Variants in ETV1 observed in about 807,000 individuals in gnomAD.
The protein encoded by ETV1 is ETS variant transcription factor 1, also known as ETS translocation variant 1.
ETV1 carries 27 observed loss-of-function variants against 62.3 expected under a neutral mutation model. That is an observed-to-expected ratio of 0.43 (90% CI 0.32 to 0.60). The LOEUF (loss-of-function observed/expected upper bound fraction) is 0.60. ETV1 is among the 20% of genes least tolerant of loss of function. ETV1 has a pLI of 0.06. For synonymous variants in ETV1, 222 were observed against 199.6 expected, an observed-to-expected ratio of 1.11 and a Z score of -0.94; for missense variants, 605 against 605.8, an observed-to-expected ratio of 1.00 and a Z score of 0.01.
At chr7:13,918,177 A>T (rs1316753636) in intron 9 of ETV1, among the ~76,000 whole-genome samples, 3 of 151,278 alleles carry the variant, frequency 2.0e-5, no homozygotes, top group Non-Finnish European at 2.9e-5. Context: ...CAATATTCAG[A>T]TAACTTTTTC....
intron 8 of ETV1, 105 bp downstream of exon 8, chr7:13,935,603 T>G (rs547193774): frequency 1.1e-6 from 1 of 926,520 alleles, no homozygotes; most frequent in South Asian, 1.7e-5. Context: ...TGTGCAAAAT[T>G]AATAGGCTCA....
intron 6 of ETV1, among the ~76,000 whole-genome samples, chr7:13,970,409 C>G (rs1265221657): frequency 2.0e-5 from 3 of 151,934 alleles, no homozygotes; most frequent in African/African-American, 7.3e-5. Context: ...GGAATACTAA[C>G]TTGGGCGAGA....
chr7:13,973,141 A>G (rs578216281), intron 6 of ETV1, among the ~76,000 whole-genome samples: 1 of 152,320 alleles, frequency 6.6e-6, no homozygotes, highest in Non-Finnish European at 1.5e-5. Flanking sequence ...GCATTTAAAC[A>G]TGTTACAGTC....
intron 6 of ETV1, among the ~76,000 whole-genome samples, chr7:13,949,502 T>C (rs911925467): frequency 6.6e-6 from 1 of 152,178 alleles, no homozygotes; most frequent in African/African-American, 2.4e-5. Context: ...TTCAGCTGCA[T>C]CTGAGGCTCT....
At chr7:13,927,744 C>T (rs1184062099) in intron 9 of ETV1, among the ~76,000 whole-genome samples, 1 of 152,112 alleles carries the variant, frequency 6.6e-6, no homozygotes, top group Non-Finnish European at 1.5e-5. Flanking sequence ...AAGTAAAATA[C>T]ATTTTGACAC....
At chr7:13,930,583 A>G (rs1047642486) in intron 9 of ETV1, among the ~76,000 whole-genome samples, 1 of 151,906 alleles carries the variant, frequency 6.6e-6, no homozygotes, top group Non-Finnish European at 1.5e-5. Context: ...GGCCTCCCAA[A>G]GTGCTGGGAT....
intron 9 of ETV1, among the ~76,000 whole-genome samples, chr7:13,915,270 T>TG (rs1297962045): frequency 5.9e-5 from 9 of 152,206 alleles, no homozygotes; most frequent in Admixed American, 3.3e-4. Context: ...TAAAACTTGG[T>TG]GCATAAAATA....
At chr7:13,907,281 C>T (rs1205821519) in intron 11 of ETV1, among the ~76,000 whole-genome samples, 1 of 152,092 alleles carries the variant, frequency 6.6e-6, no homozygotes, top group Non-Finnish European at 1.5e-5. Flanking sequence ...CAACTGGTAA[C>T]AAAAATTCTC....
intron 6 of ETV1, among the ~76,000 whole-genome samples, chr7:13,961,028 T>C (rs543183071): frequency 3.3e-5 from 5 of 151,550 alleles, no homozygotes; most frequent in Admixed American, 6.6e-5. Flanking sequence ...CACACCGGAG[T>C]CCCAGCTACT....
At chr7:13,971,035 G>A (rs563758822) in intron 6 of ETV1, among the ~76,000 whole-genome samples, 1 of 152,050 alleles carries the variant, frequency 6.6e-6, no homozygotes, top group South Asian at 2.1e-4. Flanking sequence ...GCGATGGCAC[G>A]ATCTTGGCTC....
Position 13,957,034 on chromosome 7 carries a change from T to G in ETV1, c.236-17788A>C, listed in dbSNP as rs574554790. 1.1e-3 allele frequency among the ~76,000 whole-genome samples: 163 copies of G among 152,292 alleles called. 1 individual carries two copies. Among genetic ancestry groups the G allele is most frequent in the South Asian group, 2.1e-3 (10 of 4,832 alleles). ...ACTGCCTTTTTTTAAAACGTCAAACTATATTTACTGCTACGTAAACCTAAG... is the reference window on the plus strand; with the variant it reads ...ACTGCCTTTTTTTAAAACGTCAAACGATATTTACTGCTACGTAAACCTAAG... On this transcript the variant is annotated intron_variant, in intron 6 of 13. Transcript: ENST00000430479.
At chr7:13,988,907 G>A in intron 3 of ETV1, 101 bp downstream of exon 3, 2 of 1,516,926 alleles carry the variant, frequency 1.3e-6, no homozygotes, top group South Asian at 1.2e-5. Context: ...ATAAGTATCT[G>A]CAATCCCAAC....
chr7:13,916,587 G>A (rs983540592), intron 9 of ETV1, among the ~76,000 whole-genome samples: 4 of 151,962 alleles, frequency 2.6e-5, no homozygotes, highest in African/African-American at 4.8e-5. Flanking sequence ...TCAGTAAGCC[G>A]AGATCGCGCC....
intron 6 of ETV1, among the ~76,000 whole-genome samples, chr7:13,964,652 A>T (rs1790572082): frequency 6.6e-6 from 1 of 152,182 alleles, no homozygotes; most frequent in African/African-American, 2.4e-5. Context: ...TGTGCTAGTG[A>T]TGTAGCAGAA....
rs145391669 is a variant in ETV1, at chr7:13,893,166, C to A, written c.*2700G>T. On this transcript the variant is annotated 3_prime_UTR_variant, in exon 14 of 14. Coordinates refer to ENST00000430479, the MANE Select transcript of ETV1 (RefSeq NM_004956.5). ...TTAACATGTCATCATCAAGAGACAG[C>A]AAACAGCAGTGAAGATAAAAGCTGA... The A allele has an allele frequency of 0.015, 3,384 of 232,384 alleles. 44 individuals carry two copies. The highest frequency in any genetic ancestry group is 0.054 in the Middle Eastern group (42 of 780). The allele number at this position is 232,384 out of a possible 1,614,324, so 14.4% of individuals were successfully genotyped here.
intron 11 of ETV1, among the ~76,000 whole-genome samples, chr7:13,907,002 A>G (rs1301618951): frequency 6.6e-6 from 1 of 152,188 alleles, no homozygotes; most frequent in Non-Finnish European, 1.5e-5. Context: ...GGAATAATCA[A>G]TCTTAAGCTC....
At chr7:13,913,667 T>C (rs922578162) in intron 9 of ETV1, among the ~76,000 whole-genome samples, 1 of 152,148 alleles carries the variant, frequency 6.6e-6, no homozygotes, top group Admixed American at 6.5e-5. Flanking sequence ...AATAATTATA[T>C]ATCTAAATAA....
At chr7:13,951,446 C>T (rs1788804880) in intron 6 of ETV1, among the ~76,000 whole-genome samples, 1 of 152,152 alleles carries the variant, frequency 6.6e-6, no homozygotes, top group Admixed American at 6.5e-5. Context: ...AATAACAGCA[C>T]CTGCCTCATA....
At chr7:13,897,265 G>A (rs1233697785) in intron 13 of ETV1, among the ~76,000 whole-genome samples, 1 of 152,134 alleles carries the variant, frequency 6.6e-6, no homozygotes, top group Non-Finnish European at 1.5e-5. Flanking sequence ...ACACCTCCAT[G>A]TTCCTGTATA....
Sources: gnomAD v4.1 joint callset for allele counts (sites outside exome capture counted in the v4.1 genomes callset) on GRCh38, gnomAD v4.1.1 for gene constraint, MANE v1.5 for transcripts, NCBI Gene and HGNC (gene_info 2026-07-23, HGNC 2026-07-21) for gene names.